Variants in PRKG1 observed in about 807,000 individuals in gnomAD.
PRKG1 encodes protein kinase cGMP-dependent 1.
PRKG1 carries 35 observed loss-of-function variants against 88.1 expected under a neutral mutation model. The observed-to-expected ratio is 0.40, with a 90% CI of 0.30 to 0.53. The LOEUF (loss-of-function observed/expected upper bound fraction) is 0.53, where lower values mean the gene tolerates loss of function less well. Ranked by LOEUF, PRKG1 falls within the 20% of genes least tolerant of loss-of-function variation. The probability of loss-of-function intolerance (pLI) is 0.59; values close to 1 mark genes in which losing one functional copy is unlikely to be tolerated. For synonymous variants in PRKG1, 303 were observed against 292.5 expected (o/e 1.04, Z -0.37); for missense variants, 540 against 839.8 (o/e 0.64, Z 4.41).
rs1589259957 is a variant in PRKG1 at position 51,754,887 on chromosome 10, A to G, written c.593-49698A>G. Among the ~76,000 whole-genome samples the G allele has an allele frequency of 3.3e-5, 5 of 152,100 alleles. No individual in the cohort carries two copies. In the South Asian group the frequency reaches 1.0e-3, roughly 31 times the overall value. On this transcript the variant is annotated intron_variant, in intron 3 of 17. Transcript: ENST00000373980. ...TCTTTGTGAGGTGTGTTGCCACTAT[A>G]AAAGCAGTGCTGGATTGGATGAGAA... is the stretch of plus-strand genomic sequence containing the variant.
chr10:51,742,728 G>A (rs1837466044), intron 3 of PRKG1, among the ~76,000 whole-genome samples: 1 of 152,128 alleles, frequency 6.6e-6, no homozygotes, highest in Non-Finnish European at 1.5e-5. Flanking sequence ...ATGGGTTTAT[G>A]TATGTTGGCC....
chr10:51,153,886 GA>G (rs888984705), intron 2 of PRKG1, among the ~76,000 whole-genome samples: 14 of 152,004 alleles, frequency 9.2e-5, no homozygotes, highest in African/African-American at 3.4e-4. Context: ...AAAGTGTTTT[GA>G]AAAAAACTGA....
At chr10:51,307,973 T>G (rs1841081201) in intron 2 of PRKG1, among the ~76,000 whole-genome samples, 1 of 152,218 alleles carries the variant, frequency 6.6e-6, no homozygotes. Context: ...TTATGTCTAT[T>G]GAGCTCCACC....
chr10:51,702,143 G>C (rs556144267), intron 3 of PRKG1, among the ~76,000 whole-genome samples: 1 of 152,244 alleles, frequency 6.6e-6, no homozygotes, highest in African/African-American at 2.4e-5. Flanking sequence ...AGATACCCTG[G>C]ACATGAAGAC....
At chr10:51,622,204 A>T (rs1289068639) in intron 3 of PRKG1, among the ~76,000 whole-genome samples, 1 of 152,294 alleles carries the variant, frequency 6.6e-6, no homozygotes, top group African/African-American at 2.4e-5. Flanking sequence ...TATCAGTTTG[A>T]AAAGGAGAAT....
intron 12 of PRKG1, among the ~76,000 whole-genome samples, chr10:52,274,623 T>G (rs11001416): frequency 0.14 from 21,028 of 151,748 alleles, 2,110 homozygotes; most frequent in African/African-American, 0.26. Flanking sequence ...GGGCATTTGA[T>G]TTGGTTCCAT....
At chr10:51,184,839 G>C (rs1375645275) in intron 2 of PRKG1, among the ~76,000 whole-genome samples, 1 of 152,086 alleles carries the variant, frequency 6.6e-6, no homozygotes, top group Non-Finnish European at 1.5e-5. Context: ...ACCTCACCCA[G>C]GTCAAGAGGC....
Position 51,027,034 on chromosome 10 carries a change from C to T in PRKG1, c.266+35390C>T, listed in dbSNP as rs559784765. 1.3e-4 allele frequency among the ~76,000 whole-genome samples: 20 copies of T among 152,044 alleles called. No homozygotes were observed. The South Asian group carries it at 3.5e-3, about 27-fold the overall frequency. ...ATCCAAATCTCTTACTCAGGACTTA[C>T]TACATAAGTTTTGGATCCCAGTGCA... is the stretch of plus-strand genomic sequence containing the variant. On this transcript the variant is annotated intron_variant, in intron 1 of 17. Coordinates refer to the PRKG1 transcript ENST00000401604.
At chr10:52,184,332 G>A (rs1302541523) in intron 9 of PRKG1, among the ~76,000 whole-genome samples, 1 of 152,072 alleles carries the variant, frequency 6.6e-6, no homozygotes, top group East Asian at 1.9e-4. Context: ...TTCTGCTGTT[G>A]TGATTACTGC....
At chr10:52,039,080 G>T (rs1218544960) in intron 5 of PRKG1, among the ~76,000 whole-genome samples, 2 of 152,186 alleles carry the variant, frequency 1.3e-5, no homozygotes, top group African/African-American at 2.4e-5. Context: ...TCTCCCAAGG[G>T]AGGTCCCCCG....
At chr10:51,526,773 C>T (rs1394525792) in intron 3 of PRKG1, among the ~76,000 whole-genome samples, 1 of 152,168 alleles carries the variant, frequency 6.6e-6, no homozygotes, top group Non-Finnish European at 1.5e-5. Flanking sequence ...CCTACCAGCT[C>T]GGCCATGCTT....
chr10:51,942,629 A>G (rs1304754327), intron 5 of PRKG1, among the ~76,000 whole-genome samples: 2 of 146,632 alleles, frequency 1.4e-5, no homozygotes, highest in Non-Finnish European at 1.5e-5. Context: ...TAATTTTTGT[A>G]TAAGGTGTAA....
intron 2 of PRKG1, among the ~76,000 whole-genome samples, chr10:51,298,312 T>C (rs1466897740): frequency 1.3e-5 from 2 of 152,214 alleles, no homozygotes; most frequent in African/African-American, 2.4e-5. Flanking sequence ...GAAAAGGCAC[T>C]GAATTGAATA....
chr10:51,531,053 G>T (rs538519909), intron 3 of PRKG1, among the ~76,000 whole-genome samples: 4 of 152,126 alleles, frequency 2.6e-5, no homozygotes, highest in African/African-American at 9.6e-5. Context: ...ATACAAAGAG[G>T]AGAAAAACAT....
intron 3 of PRKG1, among the ~76,000 whole-genome samples, chr10:51,511,866 A>C (rs2132061396): frequency 6.6e-6 from 1 of 152,364 alleles, no homozygotes; most frequent in Middle Eastern, 3.4e-3. Context: ...ATAGTCATAA[A>C]GTAGAAACAA....
At chr10:51,613,444 G>A (rs979940965) in intron 3 of PRKG1, among the ~76,000 whole-genome samples, 11 of 151,282 alleles carry the variant, frequency 7.3e-5, no homozygotes, top group Non-Finnish European at 1.6e-4. Context: ...TATCAATTTT[G>A]TTTATCTTTT....
chr10:51,243,439 A>G (rs1346976199), intron 2 of PRKG1, among the ~76,000 whole-genome samples: 1 of 152,128 alleles, frequency 6.6e-6, no homozygotes, highest in Non-Finnish European at 1.5e-5. Context: ...ATTTCCTGGC[A>G]TTGCTCTGGC....
chr10:51,198,324 A>G lies in PRKG1; in HGVS notation c.478+44994A>G, dbSNP rs185248518. On this transcript the variant is annotated intron_variant, in intron 2 of 17. Coordinates refer to ENST00000373980, the MANE Select transcript of PRKG1 (RefSeq NM_006258.4). ...AGTGTATGGCTAGGAGGAGCTGCACATATCTGTCATATTATAGCACTAGTG... is the reference window on the plus strand; with the variant it reads ...AGTGTATGGCTAGGAGGAGCTGCACGTATCTGTCATATTATAGCACTAGTG... Among the ~76,000 whole-genome samples the G allele has an allele frequency of 2.8e-3, 429 of 152,290 alleles. 1 individual carries two copies. Among genetic ancestry groups the G allele is most frequent in the Non-Finnish European group, 4.5e-3 (305 of 68,018 alleles).
chr10:52,183,947 G>A (rs919955826), intron 9 of PRKG1, among the ~76,000 whole-genome samples: 1 of 152,188 alleles, frequency 6.6e-6, no homozygotes, highest in Non-Finnish European at 1.5e-5. Context: ...ACAGGGGGAA[G>A]TCCCTCCTGT....
Sources: allele counts gnomAD v4.1 joint callset (sites outside exome capture counted in the v4.1 genomes callset), GRCh38; gene constraint gnomAD v4.1.1; transcripts MANE v1.5; gene names NCBI Gene and HGNC (gene_info 2026-07-23, HGNC 2026-07-21).